Variants in CADM2 observed in about 807,000 individuals in gnomAD.
CADM2 encodes the protein cell adhesion molecule 2, also known as immunoglobulin superfamily member 4D.
In CADM2, 12 loss-of-function variants were observed where a neutral mutation model predicts 49.8. That is an observed-to-expected ratio of 0.24 (90% CI 0.15 to 0.39). The LOEUF (loss-of-function observed/expected upper bound fraction) is 0.39, where lower values mean the gene tolerates loss of function less well. Among genes scored for constraint, CADM2 ranks in the 10% least tolerant of loss-of-function variants. CADM2 has a pLI of 1.00. For missense variants in CADM2, 378 were observed against 492.3 expected (o/e 0.77, Z 2.20); for synonymous variants, 214 against 175.4 (o/e 1.22, Z -1.74).
At chr3:86,007,717 A>G (rs1248624752) in intron 8 of CADM2, among the ~76,000 whole-genome samples, 1 of 152,230 alleles carries the variant, frequency 6.6e-6, no homozygotes, top group East Asian at 1.9e-4. Flanking sequence ...TACACACCCT[A>G]AAGAGTGCAA....
At chr3:85,270,339 A>G (rs1269607485) in intron 1 of CADM2, among the ~76,000 whole-genome samples, 1 of 151,414 alleles carries the variant, frequency 6.6e-6, no homozygotes, top group Non-Finnish European at 1.5e-5. Flanking sequence ...CACCATATCC[A>G]TCTGAGGAAA....
chr3:85,332,195 A>G (rs1436300949), intron 1 of CADM2, among the ~76,000 whole-genome samples: 1 of 152,104 alleles, frequency 6.6e-6, no homozygotes, highest in Non-Finnish European at 1.5e-5. Flanking sequence ...AAATAATAAC[A>G]GATATAAAAC....
In CADM2 at chr3:85,698,699, G is replaced by A. The variant is rs112407025; in HGVS notation, c.62-27823G>A. Among the ~76,000 whole-genome samples the A allele has an allele frequency of 1.1e-4, 16 of 152,242 alleles. No individual in the cohort carries two copies. In the South Asian group the frequency reaches 1.2e-3, roughly 12 times the overall value. On this transcript the variant is annotated intron_variant, in intron 1 of 9. Transcript: ENST00000383699. ...TGCTAAACCATTAGAAACTGCTCCC[G>A]TGATCCCATCACCTCCTACCATGCT... is the stretch of plus-strand genomic sequence containing the variant.
chr3:85,894,245 T>G (rs1378043583), intron 5 of CADM2, among the ~76,000 whole-genome samples: 2 of 151,878 alleles, frequency 1.3e-5, no homozygotes, highest in Non-Finnish European at 1.5e-5. Flanking sequence ...ACTATTGCAA[T>G]GACAAAAAAC....
chr3:85,339,251 C>T (rs1333849392), intron 1 of CADM2, among the ~76,000 whole-genome samples: 2 of 151,374 alleles, frequency 1.3e-5, no homozygotes, highest in South Asian at 2.1e-4. Flanking sequence ...AAAAGTACTG[C>T]AGGTAAATTA....
intron 1 of CADM2, among the ~76,000 whole-genome samples, chr3:85,091,879 G>A (rs2037610166): frequency 6.6e-6 from 1 of 152,028 alleles, no homozygotes; most frequent in South Asian, 2.1e-4. Context: ...TAATAAGTAT[G>A]AGAAAACATT....
chr3:85,886,300 T>C lies in CADM2; in HGVS notation c.502T>C (p.Trp168Arg). 1 of 1,613,556 alleles carries C rather than the reference T, an allele frequency of 6.2e-7. No homozygotes were observed. The highest frequency in any genetic ancestry group is 8.5e-7 in the Non-Finnish European group (1 of 1,179,654). Residue 168 changes from tryptophan (W) to arginine (R), a missense_variant, in exon 5 of 10, where the codon TGG becomes CGG. Coordinates refer to ENST00000383699, the MANE Select transcript of CADM2 (RefSeq NM_001167675.2). ...SGSKPAADIR[W>R]FKNDKEIKDV... ...TAGTAAACCTGCAGCTGATATAAGA[T>C]GGTTCAAAAATGACAAAGAGATTAA...
intron 1 of CADM2, among the ~76,000 whole-genome samples, chr3:85,696,105 T>C (rs9866652): frequency 0.019 from 2,819 of 152,246 alleles, 70 homozygotes; most frequent in African/African-American, 0.063. Flanking sequence ...TACTTTTTAA[T>C]GGAATTATTT....
At chr3:85,761,835 G>T (rs1290973948) in intron 2 of CADM2, among the ~76,000 whole-genome samples, 2 of 152,128 alleles carry the variant, frequency 1.3e-5, no homozygotes, top group African/African-American at 4.8e-5. Context: ...TGCCCTCAAA[G>T]AGCTTACAAT....
At chr3:85,807,785 TA>T (rs778353933) in intron 3 of CADM2, among the ~76,000 whole-genome samples, 94 of 152,206 alleles carry the variant, frequency 6.2e-4, no homozygotes, top group Admixed American at 1.4e-3. Context: ...TCAGATGTCA[TA>T]ATATACCTTG....
At chr3:85,909,421 A>T (rs201623185) in intron 5 of CADM2, among the ~76,000 whole-genome samples, 2 of 114,180 alleles carry the variant, frequency 1.8e-5, no homozygotes, top group Admixed American at 1.9e-4. Context: ...TATATATATA[A>T]TGTCCAATGG....
intron 1 of CADM2, among the ~76,000 whole-genome samples, chr3:85,137,630 G>A (rs183464982): frequency 1.2e-4 from 19 of 152,058 alleles, no homozygotes; most frequent in Admixed American, 1.2e-3. Flanking sequence ...TGAGTTTCCA[G>A]TGTTTTTACC....
At chr3:85,846,080 A>G (rs2074867476) in intron 3 of CADM2, among the ~76,000 whole-genome samples, 1 of 152,154 alleles carries the variant, frequency 6.6e-6, no homozygotes, top group African/African-American at 2.4e-5. Context: ...GACTCAGAGA[A>G]GTTCTGCAAA....
At chr3:85,927,131 CA>C (rs1719975929) in intron 6 of CADM2, among the ~76,000 whole-genome samples, 2 of 152,056 alleles carry the variant, frequency 1.3e-5, no homozygotes, top group Admixed American at 6.6e-5. Context: ...TATTATTTAC[CA>C]AGTATTTGAT....
rs11368552 is a variant in CADM2 at position 85,066,381 on chromosome 3, T to TAA, written c.61+106725_61+106726dup. On this transcript the variant is annotated intron_variant, in intron 1 of 9. Coordinates refer to ENST00000383699, the MANE Select transcript of CADM2 (RefSeq NM_001167675.2). The stretch of plus-strand genomic sequence containing the variant: ...GGGGTAAAATGCTGGAATCAGCATT[T>TAA]AAAAAAAAAAAAATCCCCAAAGTGC... Among the ~76,000 whole-genome samples the TAA allele has an allele frequency of 3.8e-3, 551 of 145,792 alleles. 4 individuals carry two copies. Among genetic ancestry groups the TAA allele is most frequent in the Admixed American group, 9.6e-3 (140 of 14,646 alleles).
At chr3:85,915,539 G>C (rs1158485701) in intron 6 of CADM2, among the ~76,000 whole-genome samples, 2 of 152,046 alleles carry the variant, frequency 1.3e-5, no homozygotes, top group African/African-American at 4.8e-5. Context: ...GAGCAAATTG[G>C]TGTGATTTTC....
chr3:85,494,273 G>A (rs1279379482), intron 1 of CADM2, among the ~76,000 whole-genome samples: 1 of 151,980 alleles, frequency 6.6e-6, no homozygotes, highest in Non-Finnish European at 1.5e-5. Context: ...AATCTATAAA[G>A]TTTCATATTT....
intron 3 of CADM2, among the ~76,000 whole-genome samples, chr3:85,811,345 C>T (rs1024043578): frequency 6.6e-6 from 1 of 151,924 alleles, no homozygotes; most frequent in Admixed American, 6.6e-5. Context: ...TTACTAAAAC[C>T]CTACTAAAAG....
chr3:85,024,178 C>A (rs2034624669), intron 1 of CADM2, among the ~76,000 whole-genome samples: 1 of 152,084 alleles, frequency 6.6e-6, no homozygotes, highest in African/African-American at 2.4e-5. Context: ...AAATATCTCG[C>A]AAGTTATCAG....
Sources: gnomAD v4.1 joint callset for allele counts (sites outside exome capture counted in the v4.1 genomes callset) on GRCh38, gnomAD v4.1.1 for gene constraint, MANE v1.5 for transcripts, NCBI Gene and HGNC (gene_info 2026-07-23, HGNC 2026-07-21) for gene names.